Variants in CACNA2D3 observed in about 807,000 individuals in gnomAD.
CACNA2D3 encodes voltage-dependent calcium channel subunit alpha-2/delta-3.
A neutral mutation model predicts 160.6 loss-of-function variants in CACNA2D3; 60 were observed. The ratio of observed to expected loss-of-function variants is 0.37; its 90% CI spans 0.30 to 0.46. The LOEUF (loss-of-function observed/expected upper bound fraction) is 0.46, where lower values mean the gene tolerates loss of function less well. Ranked by LOEUF, CACNA2D3 falls within the 20% of genes least tolerant of loss-of-function variation. CACNA2D3 has a pLI of 1.00. For synonymous variants in CACNA2D3, 558 were observed against 492.9 expected, an observed-to-expected ratio of 1.13 and a Z score of -1.75; for missense variants, 1,205 against 1,365.0, an observed-to-expected ratio of 0.88 and a Z score of 1.85.
intron 2 of CACNA2D3, among the ~76,000 whole-genome samples, chr3:54,132,859 G>T (rs1028758778): frequency 1.3e-5 from 2 of 152,180 alleles, no homozygotes; most frequent in Non-Finnish European, 2.9e-5. Flanking sequence ...CTGAGCCTCA[G>T]TGTTCGCACC....
intron 24 of CACNA2D3, among the ~76,000 whole-genome samples, chr3:54,889,982 A>G (rs891645866): frequency 6.6e-6 from 1 of 152,224 alleles, no homozygotes; most frequent in Non-Finnish European, 1.5e-5. Context: ...AATTTGGTGT[A>G]GGCTACAAGC....
intron 3 of CACNA2D3, among the ~76,000 whole-genome samples, chr3:54,325,344 G>A (rs1426627331): frequency 6.6e-6 from 1 of 152,168 alleles, no homozygotes; most frequent in Non-Finnish European, 1.5e-5. Context: ...GAGAAAAGCA[G>A]ATAAACCAGG....
chr3:54,939,293 T>C (rs980528714), intron 27 of CACNA2D3, among the ~76,000 whole-genome samples: 2 of 152,214 alleles, frequency 1.3e-5, no homozygotes, highest in African/African-American at 4.8e-5. Flanking sequence ...AAATTGAAAC[T>C]TGATGAGACT....
At chr3:54,506,250 A>G (rs751813508) in intron 5 of CACNA2D3, among the ~76,000 whole-genome samples, 1 of 151,942 alleles carries the variant, frequency 6.6e-6, no homozygotes, top group Non-Finnish European at 1.5e-5. Context: ...CTAGTTATTG[A>G]TGACGTACTC....
At chr3:54,413,426 A>C (rs937067722) in intron 4 of CACNA2D3, among the ~76,000 whole-genome samples, 4 of 147,070 alleles carry the variant, frequency 2.7e-5, no homozygotes, top group East Asian at 2.0e-4. Flanking sequence ...ATAGATATCT[A>C]TATATATATA....
At chr3:54,250,682 C>T (rs993343092) in intron 2 of CACNA2D3, among the ~76,000 whole-genome samples, 1 of 152,094 alleles carries the variant, frequency 6.6e-6, no homozygotes, top group East Asian at 1.9e-4. Context: ...GCAGTCTTCC[C>T]TCCGTCATCG....
intron 2 of CACNA2D3, among the ~76,000 whole-genome samples, chr3:54,138,936 T>C (rs965745301): frequency 3.3e-5 from 5 of 152,242 alleles, no homozygotes; most frequent in Non-Finnish European, 7.3e-5. Context: ...GGATCCCTTT[T>C]CTTTTTGTTG....
chr3:54,828,949 A>G (rs1162978245), intron 14 of CACNA2D3, among the ~76,000 whole-genome samples: 1 of 152,240 alleles, frequency 6.6e-6, no homozygotes, highest in Non-Finnish European at 1.5e-5. Context: ...GCAAGAGGAC[A>G]TGTTACTTGA....
chr3:54,186,420 G>T (rs2107329649), intron 2 of CACNA2D3, among the ~76,000 whole-genome samples: 1 of 152,268 alleles, frequency 6.6e-6, no homozygotes, highest in South Asian at 2.1e-4. Context: ...TGAGGCTAGT[G>T]TGCACTGTGG....
At chr3:54,175,349 G>A (rs1156368809) in intron 2 of CACNA2D3, among the ~76,000 whole-genome samples, 1 of 152,090 alleles carries the variant, frequency 6.6e-6, no homozygotes, top group Non-Finnish European at 1.5e-5. Flanking sequence ...GGGCGCGGTG[G>A]TTTACGCCTG....
chr3:55,071,527 ACT>A (rs1381434257), intron 35 of CACNA2D3, among the ~76,000 whole-genome samples: 1 of 151,820 alleles, frequency 6.6e-6, no homozygotes, highest in African/African-American at 2.4e-5. Flanking sequence ...CCTTTGACTG[ACT>A]CTCTTTTTTC....
intron 25 of CACNA2D3, 90 bp from the exon 26 acceptor site, chr3:54,896,659 G>C: frequency 1.3e-6 from 2 of 1,531,102 alleles, no homozygotes; most frequent in South Asian, 2.3e-5. Context: ...GTGAACACTG[G>C]TTTTACCTGA....
intron 4 of CACNA2D3, among the ~76,000 whole-genome samples, chr3:54,429,090 T>C (rs1699950623): frequency 6.6e-6 from 1 of 152,180 alleles, no homozygotes. Flanking sequence ...GCCAGCCCTC[T>C]CTGGTATATG....
chr3:54,315,362 C>T (rs1300877283), intron 2 of CACNA2D3, among the ~76,000 whole-genome samples: 2 of 152,228 alleles, frequency 1.3e-5, no homozygotes, highest in Admixed American at 1.3e-4. Flanking sequence ...TGGCTTGGAA[C>T]AGTCGTGTAA....
chr3:54,925,526 T>TG (rs768756688), intron 27 of CACNA2D3, among the ~76,000 whole-genome samples: 2 of 152,142 alleles, frequency 1.3e-5, no homozygotes, highest in Non-Finnish European at 2.9e-5. Flanking sequence ...AAAAAATATT[T>TG]GGGGTGTATA....
Position 54,871,567 on chromosome 3 carries a change from C to G in CACNA2D3, c.1655C>G (p.Pro552Arg). The G allele has an allele frequency of 1.2e-6, 2 of 1,613,610 alleles. No individual in the cohort carries two copies. Among genetic ancestry groups the G allele is most frequent in the Non-Finnish European group, 1.7e-6 (2 of 1,179,592 alleles). The change falls in exon 18 of 38, where the codon CCT (proline) becomes CGT (arginine). Residue 552 changes from proline (P) to arginine (R), a missense_variant. Coordinates refer to ENST00000474759, the MANE Select transcript of CACNA2D3 (RefSeq NM_018398.3). ...GAAGAAGGAAAAAAGCGAAGGAAAC[C>G]TAACTATAGTAGCGTTGACCTCTCT... ...LYEEGKKRRK[P>R]NYSSVDLSEV...
At chr3:54,682,060 G>A (rs764728834) in intron 11 of CACNA2D3, among the ~76,000 whole-genome samples, 23 of 151,928 alleles carry the variant, frequency 1.5e-4, no homozygotes, top group Non-Finnish European at 2.2e-4. Flanking sequence ...AAATATGGGG[G>A]GGATTTGGAA....
chr3:54,633,802 A>G (rs1468700780), intron 10 of CACNA2D3: 1 of 152,200 alleles, frequency 6.6e-6, no homozygotes, highest in Non-Finnish European at 1.5e-5. Flanking sequence ...AACATTGAAC[A>G]TTTAACCTGT....
chr3:54,566,029 A>G (rs1702404089), intron 6 of CACNA2D3, among the ~76,000 whole-genome samples: 1 of 152,152 alleles, frequency 6.6e-6, no homozygotes, highest in South Asian at 2.1e-4. Context: ...CATTAGATCA[A>G]ACTCCACCAG....
Sources: gnomAD v4.1 joint callset for allele counts (sites outside exome capture counted in the v4.1 genomes callset) on GRCh38, gnomAD v4.1.1 for gene constraint, MANE v1.5 for transcripts, NCBI Gene and HGNC (gene_info 2026-07-23, HGNC 2026-07-21) for gene names.